The following PTPRD variants were observed in gnomAD, a reference collection of about 807,000 sequenced individuals.
PTPRD encodes protein tyrosine phosphatase receptor type D.
In PTPRD, 34 loss-of-function variants were observed where a neutral mutation model predicts 214.5. That is an observed-to-expected ratio of 0.16 (90% CI 0.12 to 0.21). The LOEUF is 0.21. PTPRD is among the 10% of genes least tolerant of loss of function. The pLI is 1.00. For missense variants in PTPRD, 2,545 were observed against 2,398.7 expected, an observed-to-expected ratio of 1.06 and a Z score of -1.27; for synonymous variants, 1,128 against 845.7, an observed-to-expected ratio of 1.33 and a Z score of -5.79.
chr9:8,836,080 C>T (rs1348005802), intron 11 of PTPRD, among the ~76,000 whole-genome samples: 1 of 152,120 alleles, frequency 6.6e-6, no homozygotes, highest in East Asian at 1.9e-4. Context: ...AGAGCAACAT[C>T]GTCCGAATGC....
chr9:9,587,425 A>T (rs903346356), intron 7 of PTPRD, among the ~76,000 whole-genome samples: 2 of 152,066 alleles, frequency 1.3e-5, no homozygotes, highest in Non-Finnish European at 2.9e-5. Flanking sequence ...CCATGGGCAT[A>T]GATCTAGATA....
chr9:9,502,147 C>T (rs1338940782), intron 8 of PTPRD, among the ~76,000 whole-genome samples: 1 of 151,790 alleles, frequency 6.6e-6, no homozygotes, highest in Non-Finnish European at 1.5e-5. Context: ...AAGAGCTATC[C>T]TTTTAGCATA....
intron 4 of PTPRD, among the ~76,000 whole-genome samples, chr9:9,972,512 G>A (rs1344551520): frequency 1.3e-5 from 2 of 152,106 alleles, no homozygotes; most frequent in African/African-American, 4.8e-5. Flanking sequence ...TTACTTGAGT[G>A]CCTATTTGTA....
intron 3 of PTPRD, among the ~76,000 whole-genome samples, chr9:10,268,244 C>A (rs1440231060): frequency 6.7e-6 from 1 of 149,936 alleles, no homozygotes; most frequent in Admixed American, 6.7e-5. Context: ...AAGCTACGAT[C>A]ATGCCACTGC....
intron 2 of PTPRD, among the ~76,000 whole-genome samples, chr9:10,468,846 C>T (rs190990265): frequency 2.6e-5 from 4 of 152,112 alleles, no homozygotes; most frequent in East Asian, 1.9e-4. Flanking sequence ...CCAATGAATA[C>T]ATTTAATTAC....
intron 7 of PTPRD, among the ~76,000 whole-genome samples, chr9:9,730,578 T>C (rs918646628): frequency 1.3e-5 from 2 of 152,278 alleles, no homozygotes; most frequent in Non-Finnish European, 2.9e-5. Flanking sequence ...TAACTATCTA[T>C]GTATAAACTT....
rs115766826 is a variant in PTPRD at position 8,961,489 on chromosome 9, G to T, written c.-104+57208C>A. Among the ~76,000 whole-genome samples the T allele has an allele frequency of 2.3e-3, 348 of 152,134 alleles. 3 individuals carry two copies. Among genetic ancestry groups the T allele is most frequent in the African/African-American group, 8.2e-3 (341 of 41,520 alleles). Reference sequence around the variant, plus strand: ...CTAGGTCAGAGTTAGCCTTGCACCCGCAAATATCACTGTCTCTAGTAGTCA... The same window carrying T: ...CTAGGTCAGAGTTAGCCTTGCACCCTCAAATATCACTGTCTCTAGTAGTCA... On this transcript the variant is annotated intron_variant, in intron 11 of 45. Coordinates refer to ENST00000381196, the MANE Select transcript of PTPRD (RefSeq NM_002839.4).
intron 10 of PTPRD, among the ~76,000 whole-genome samples, chr9:9,045,295 T>C (rs1314579539): frequency 6.6e-6 from 1 of 152,176 alleles, no homozygotes; most frequent in Non-Finnish European, 1.5e-5. Flanking sequence ...GATTAGAGGA[T>C]GCTCTTCATT....
intron 11 of PTPRD, among the ~76,000 whole-genome samples, chr9:8,743,374 T>C (rs1399336185): frequency 6.6e-6 from 1 of 152,176 alleles, no homozygotes; most frequent in Non-Finnish European, 1.5e-5. Context: ...TGCACTGATG[T>C]CAGTCAGTGA....
intron 3 of PTPRD, among the ~76,000 whole-genome samples, chr9:10,224,219 G>T (rs908948833): frequency 6.6e-6 from 1 of 151,812 alleles, no homozygotes; most frequent in Non-Finnish European, 1.5e-5. Flanking sequence ...TTTAAAATAA[G>T]ATAGTATATA....
intron 7 of PTPRD, among the ~76,000 whole-genome samples, chr9:9,640,237 A>G (rs1030092846): frequency 6.6e-6 from 1 of 152,206 alleles, no homozygotes; most frequent in African/African-American, 2.4e-5. Flanking sequence ...AATATGGCCA[A>G]TGAGGTGCAA....
At chr9:10,608,326 TG>T (rs2080039618) in intron 2 of PTPRD, among the ~76,000 whole-genome samples, 1 of 152,006 alleles carries the variant, frequency 6.6e-6, no homozygotes, top group Non-Finnish European at 1.5e-5. Flanking sequence ...ATGCTCTCAG[TG>T]GCAGCAGCAT....
intron 2 of PTPRD, among the ~76,000 whole-genome samples, chr9:10,433,862 G>C (rs894944066): frequency 6.6e-6 from 1 of 151,596 alleles, no homozygotes; most frequent in East Asian, 1.9e-4. Flanking sequence ...GAATCTATAG[G>C]TTCTTTTAGT....
At chr9:9,770,268 C>G (rs187154400) in intron 5 of PTPRD, among the ~76,000 whole-genome samples, 1 of 152,308 alleles carries the variant, frequency 6.6e-6, no homozygotes, top group East Asian at 1.9e-4. Context: ...TTTCCAGAAT[C>G]TGTAGTTTCC....
intron 5 of PTPRD, among the ~76,000 whole-genome samples, chr9:9,808,286 C>A (rs1416509659): frequency 6.6e-6 from 1 of 152,156 alleles, no homozygotes; most frequent in Non-Finnish European, 1.5e-5. Flanking sequence ...ACATCTTCCT[C>A]AGATACAAGA....
At chr9:8,477,195 C>G (rs2096782909) in intron 30 of PTPRD, among the ~76,000 whole-genome samples, 2 of 151,968 alleles carry the variant, frequency 1.3e-5, no homozygotes, top group South Asian at 2.1e-4. Flanking sequence ...TTCTGCTTTG[C>G]CCGTCTGCCT....
At chr9:9,775,158 C>G (rs1417671010) in intron 5 of PTPRD, among the ~76,000 whole-genome samples, 1 of 152,192 alleles carries the variant, frequency 6.6e-6, no homozygotes, top group Non-Finnish European at 1.5e-5. Context: ...AGTTCATCAA[C>G]TAATTGCATT....
chr9:10,127,524 C>T (rs943441527), intron 3 of PTPRD, among the ~76,000 whole-genome samples: 2 of 152,034 alleles, frequency 1.3e-5, no homozygotes, highest in South Asian at 4.1e-4. Flanking sequence ...AAATTCAAAT[C>T]CCAATGTATT....
intron 39 of PTPRD, among the ~76,000 whole-genome samples, chr9:8,361,361 C>G (rs1007923816): frequency 6.6e-6 from 1 of 152,108 alleles, no homozygotes; most frequent in African/African-American, 2.4e-5. Context: ...GACTGCAAGC[C>G]AAATGTTGCT....
Sources: allele counts gnomAD v4.1 joint callset (sites outside exome capture counted in the v4.1 genomes callset), GRCh38; gene constraint gnomAD v4.1.1; transcripts MANE v1.5; gene names NCBI Gene and HGNC (gene_info 2026-07-23, HGNC 2026-07-21).